Variants in DLGAP2 observed in about 807,000 individuals in gnomAD.
The protein encoded by DLGAP2 is DLG associated protein 2, also known as disks large-associated protein 2.
DLGAP2 carries 26 observed loss-of-function variants against 100.3 expected under a neutral mutation model. The ratio of observed to expected loss-of-function variants is 0.26; its 90% CI spans 0.19 to 0.36. The LOEUF is 0.36. Ranked by LOEUF, DLGAP2 falls within the 10% of genes least tolerant of loss-of-function variation. DLGAP2 has a pLI of 1.00. For synonymous variants in DLGAP2, 886 were observed against 630.1 expected (o/e 1.41, Z -6.08); for missense variants, 1,858 against 1,453.2 (o/e 1.28, Z -4.53).
intron 1 of DLGAP2, among the ~76,000 whole-genome samples, chr8:860,199 T>C (rs894586201): frequency 6.6e-6 from 1 of 152,214 alleles, no homozygotes; most frequent in African/African-American, 2.4e-5. Context: ...ACAGACGGCC[T>C]TTCAGGTGGC....
intron 3 of DLGAP2, among the ~76,000 whole-genome samples, chr8:1,377,050 T>G (rs1233150627): frequency 6.6e-6 from 1 of 152,210 alleles, no homozygotes; most frequent in Non-Finnish European, 1.5e-5. Context: ...CCCTGGCTGC[T>G]TACATTAGAA....
At chr8:997,420 C>A (rs1800811898) in intron 2 of DLGAP2, among the ~76,000 whole-genome samples, 1 of 152,104 alleles carries the variant, frequency 6.6e-6, no homozygotes, top group Non-Finnish European at 1.5e-5. Context: ...TGTTATAAGA[C>A]ATTGAACCAA....
chr8:1,430,027 T>TATATATATAC lies in DLGAP2; in HGVS notation c.107-71338_107-71337insTATATATACA, dbSNP rs1282725274. 2.4e-3 allele frequency among the ~76,000 whole-genome samples: 188 copies of TATATATATAC among 76,860 alleles called. 10 individuals carry two copies. The highest frequency in any genetic ancestry group is 3.6e-3 in the Non-Finnish European group (145 of 40,128). The allele number at this position is 76,860 out of a possible 152,430, so 50.4% of individuals were successfully genotyped here. A position where few individuals can be genotyped will look rare whatever the true frequency, so the allele number is the denominator to read the frequency against. ...ATATACATATATATATATATATATA[T>TATATATATAC]ACACACACACACATATGAACTTAGA... is the stretch of plus-strand genomic sequence containing the variant. On this transcript the variant is annotated intron_variant, in intron 3 of 14. Transcript: ENST00000637795.
chr8:1,341,572 C>T (rs752457164), intron 3 of DLGAP2, among the ~76,000 whole-genome samples: 8 of 152,218 alleles, frequency 5.3e-5, no homozygotes, highest in Non-Finnish European at 1.2e-4. Flanking sequence ...AAGGAGATGA[C>T]TGTGGCTGAC....
rs117510071 is a variant in DLGAP2 at position 1,565,986 on chromosome 8, A to G, written c.1442+92A>G. ...ACCACTTCACCGTGAGCTGAGTGCC[A>G]TCCATTTAAACTAAATTGCCAAGCT... On this transcript the variant is annotated intron_variant, in intron 6 of 14. Coordinates refer to ENST00000637795, the MANE Select transcript of DLGAP2 (RefSeq NM_001346810.2). 1.7e-4 allele frequency: 190 copies of G among 1,118,126 alleles called. 1 individual carries two copies. The East Asian group carries it at 5.2e-3, about 30-fold the overall frequency. 69.3% of individuals were successfully genotyped at this position (1,118,126 alleles called of 1,614,324 possible). A position where few individuals can be genotyped will look rare whatever the true frequency, so the allele number is the denominator to read the frequency against.
Position 1,167,353 on chromosome 8 carries a change from G to A in DLGAP2, c.74-91498G>A, listed in dbSNP as rs73532164. Among the ~76,000 whole-genome samples, 1,152 of 152,246 alleles carry A rather than the reference G, an allele frequency of 7.6e-3. 18 individuals carry two copies. Among genetic ancestry groups the A allele is most frequent in the African/African-American group, 0.026 (1,087 of 41,516 alleles). ...CCAGTACACACTGCAGGGCAGACCA[G>A]TGTACCTCACAGGGAGTTGCTAAGC... On this transcript the variant is annotated intron_variant, in intron 2 of 14. Coordinates refer to ENST00000637795, the MANE Select transcript of DLGAP2 (RefSeq NM_001346810.2).
At chr8:792,647 A>T (rs763833179) in intron 1 of DLGAP2, among the ~76,000 whole-genome samples, 1 of 152,254 alleles carries the variant, frequency 6.6e-6, no homozygotes, top group Non-Finnish European at 1.5e-5. Flanking sequence ...CTGTGTCAGA[A>T]TAAAAATGGA....
rs561949140 is a variant in DLGAP2, at chr8:1,431,995, C to T, written c.107-69371C>T. On this transcript the variant is annotated intron_variant, in intron 3 of 14. Coordinates refer to ENST00000637795, the MANE Select transcript of DLGAP2 (RefSeq NM_001346810.2). The stretch of plus-strand genomic sequence containing the variant: ...ATCCATCGGGGCTGAATCCTGCCGG[C>T]ACCCAGCACCCCATGCCAGCCAGCA... Among the ~76,000 whole-genome samples the T allele has an allele frequency of 4.5e-4, 67 of 150,370 alleles. No individual in the cohort carries two copies. In the South Asian group the frequency reaches 9.3e-3, roughly 21 times the overall value.
chr8:1,565,614 CA>C, intron 5 of DLGAP2, 68 bp from the exon 6 acceptor site: 1 of 1,301,156 alleles, frequency 7.7e-7, no homozygotes, highest in Non-Finnish European at 1.1e-6. Context: ...GATTTGTTTC[CA>C]AAAAGGAGCT....
intron 3 of DLGAP2, among the ~76,000 whole-genome samples, chr8:1,296,415 CATG>C (rs1458605505): frequency 6.6e-6 from 1 of 152,170 alleles, no homozygotes; most frequent in Non-Finnish European, 1.5e-5. Flanking sequence ...CAAAATATGT[CATG>C]ATTATCCAGA....
At chr8:916,818 C>G in intron 2 of DLGAP2, among the ~76,000 whole-genome samples, 1 of 152,316 alleles carries the variant, frequency 6.6e-6, no homozygotes, top group South Asian at 2.1e-4. Flanking sequence ...GCAGCCGGAT[C>G]GTGCATCTTG....
At chr8:1,476,609 A>C (rs1298191304) in intron 3 of DLGAP2, among the ~76,000 whole-genome samples, 1 of 152,158 alleles carries the variant, frequency 6.6e-6, no homozygotes. Flanking sequence ...CATTCCTCAG[A>C]AGCCAGTCTC....
intron 7 of DLGAP2, among the ~76,000 whole-genome samples, chr8:1,628,579 G>A (rs958184865): frequency 1.1e-4 from 16 of 149,386 alleles, no homozygotes; most frequent in East Asian, 4.0e-4. Flanking sequence ...AGCTTGAGCC[G>A]ACCTCACATT....
chr8:1,448,653 C>G (rs1050900432), intron 3 of DLGAP2, among the ~76,000 whole-genome samples: 3 of 152,178 alleles, frequency 2.0e-5, no homozygotes, highest in Admixed American at 2.0e-4. Context: ...AATAATACGG[C>G]TAAATAAATT....
intron 2 of DLGAP2, among the ~76,000 whole-genome samples, chr8:1,253,095 G>C (rs572905606): frequency 1.3e-5 from 2 of 152,290 alleles, no homozygotes; most frequent in East Asian, 1.9e-4. Flanking sequence ...GCCTGTCCCC[G>C]CGTGGCTTCC....
chr8:1,521,445 C>G (rs13257565), intron 4 of DLGAP2, among the ~76,000 whole-genome samples: 1 of 69,572 alleles, frequency 1.4e-5, no homozygotes, highest in Non-Finnish European at 3.1e-5. Flanking sequence ...ACTCGGGCGG[C>G]AGGTGATATG....
chr8:1,302,845 C>G (rs962625556), intron 3 of DLGAP2, among the ~76,000 whole-genome samples: 1 of 152,272 alleles, frequency 6.6e-6, no homozygotes, highest in Non-Finnish European at 1.5e-5. Context: ...CCGCTGGAGT[C>G]GATTCTTTCC....
chr8:1,173,949 C>G (rs919271139), intron 2 of DLGAP2, among the ~76,000 whole-genome samples: 1 of 152,210 alleles, frequency 6.6e-6, no homozygotes, highest in African/African-American at 2.4e-5. Context: ...GATGGAAATG[C>G]AGAAATCACC....
intron 3 of DLGAP2, among the ~76,000 whole-genome samples, chr8:1,334,656 G>A (rs112068624): frequency 9.2e-5 from 14 of 152,210 alleles, no homozygotes; most frequent in African/African-American, 9.6e-5. Context: ...GATGACCAGT[G>A]TGGCATCCAC....
Sources: allele counts gnomAD v4.1 joint callset (sites outside exome capture counted in the v4.1 genomes callset), GRCh38; gene constraint gnomAD v4.1.1; transcripts MANE v1.5; gene names NCBI Gene and HGNC (gene_info 2026-07-23, HGNC 2026-07-21).